Variants in MACROD2 observed in about 807,000 individuals in gnomAD.
MACROD2 encodes mono-ADP ribosylhydrolase 2, also known as ADP-ribose glycohydrolase MACROD2.
MACROD2 carries 36 observed loss-of-function variants against 70.4 expected under a neutral mutation model. The ratio of observed to expected loss-of-function variants is 0.51; its 90% confidence interval spans 0.39 to 0.68. The LOEUF is 0.68. MACROD2 is among the 30% of genes least tolerant of loss of function. The pLI is 0.00. For synonymous variants in MACROD2, 172 were observed against 178.8 expected, an observed-to-expected ratio of 0.96 and a Z score of 0.30; for missense variants, 496 against 538.4, an observed-to-expected ratio of 0.92 and a Z score of 0.78.
At chr20:15,068,475 TG>T (rs1266017641) in intron 5 of MACROD2, among the ~76,000 whole-genome samples, 1 of 151,920 alleles carries the variant, frequency 6.6e-6, no homozygotes, top group Non-Finnish European at 1.5e-5. Flanking sequence ...GTGTTGGAGG[TG>T]GGGGTCTAGT....
chr20:14,447,432 T>G (rs1229705992), intron 3 of MACROD2, among the ~76,000 whole-genome samples: 4 of 152,120 alleles, frequency 2.6e-5, no homozygotes, highest in Non-Finnish European at 5.9e-5. Flanking sequence ...CTTTGGAAAA[T>G]AGCATCTGCT....
intron 5 of MACROD2, among the ~76,000 whole-genome samples, chr20:14,898,379 G>A (rs2073855223): frequency 6.6e-6 from 1 of 152,086 alleles, no homozygotes; most frequent in Non-Finnish European, 1.5e-5. Context: ...TACCATATAT[G>A]TTTCTCTTTA....
chr20:15,903,392 A>G (rs1783357338), intron 10 of MACROD2, among the ~76,000 whole-genome samples: 1 of 152,194 alleles, frequency 6.6e-6, no homozygotes, highest in Non-Finnish European at 1.5e-5. Flanking sequence ...TTACCCTAAT[A>G]AAAAGCAAGA....
At chr20:14,934,680 A>G (rs564642077) in intron 5 of MACROD2, among the ~76,000 whole-genome samples, 1 of 152,148 alleles carries the variant, frequency 6.6e-6, no homozygotes, top group East Asian at 1.9e-4. Flanking sequence ...CCAGCTACTC[A>G]GGAGGCTGAG....
At chr20:15,783,746 C>A (rs1287816281) in intron 8 of MACROD2, among the ~76,000 whole-genome samples, 1 of 152,160 alleles carries the variant, frequency 6.6e-6, no homozygotes, top group Non-Finnish European at 1.5e-5. Context: ...CTTTTGCAAC[C>A]AGTGTGTCTC....
intron 2 of MACROD2, among the ~76,000 whole-genome samples, chr20:14,026,660 T>A (rs1419123926): frequency 1.3e-5 from 2 of 152,192 alleles, no homozygotes; most frequent in African/African-American, 4.8e-5. Context: ...TTAAGAACGT[T>A]GAATATTGGC....
chr20:15,058,763 A>G (rs2075507972), intron 5 of MACROD2, among the ~76,000 whole-genome samples: 1 of 152,208 alleles, frequency 6.6e-6, no homozygotes, highest in African/African-American at 2.4e-5. Context: ...CTTTTTAAAA[A>G]TGTAACCATC....
chr20:15,917,497 A>G (rs907801524), intron 10 of MACROD2, among the ~76,000 whole-genome samples: 28 of 152,208 alleles, frequency 1.8e-4, no homozygotes, highest in African/African-American at 5.1e-4. Flanking sequence ...AAATGCTGGC[A>G]CCACACAGGC....
intron 4 of MACROD2, among the ~76,000 whole-genome samples, chr20:14,615,830 G>A (rs554402273): frequency 6.6e-6 from 1 of 152,222 alleles, no homozygotes; most frequent in East Asian, 1.9e-4. Context: ...CATGAGAAAG[G>A]CAGGAAAGCA....
At chr20:16,009,628 G>A (rs1451226723) in intron 15 of MACROD2, among the ~76,000 whole-genome samples, 1 of 152,092 alleles carries the variant, frequency 6.6e-6, no homozygotes, top group South Asian at 2.1e-4. Context: ...ATGGTGGCGG[G>A]CACCTGTAAT....
intron 8 of MACROD2, among the ~76,000 whole-genome samples, chr20:15,587,549 G>A (rs182782409): frequency 1.2e-3 from 189 of 152,156 alleles, no homozygotes; most frequent in African/African-American, 4.3e-3. Context: ...AGTCCCTTCC[G>A]CCTATGAGCC....
At chr20:15,613,603 C>A (rs2146713985) in intron 8 of MACROD2, among the ~76,000 whole-genome samples, 1 of 152,324 alleles carries the variant, frequency 6.6e-6, no homozygotes, top group South Asian at 2.1e-4. Flanking sequence ...TAAAGCTTTA[C>A]AATAACCATG....
chr20:15,791,343 G>A (rs1288726308), intron 8 of MACROD2, among the ~76,000 whole-genome samples: 3 of 151,746 alleles, frequency 2.0e-5, no homozygotes, highest in African/African-American at 7.3e-5. Flanking sequence ...AGAAAGCTTA[G>A]CTGATATACA....
At chr20:14,039,805 GTT>G (rs11482552) in intron 2 of MACROD2, among the ~76,000 whole-genome samples, 22 of 145,074 alleles carry the variant, frequency 1.5e-4, no homozygotes, top group Non-Finnish European at 2.4e-4. Context: ...TTTGCCATCT[GTT>G]TTTTTTTTTT....
At chr20:15,334,484 AT>A (rs2078026979) in intron 6 of MACROD2, among the ~76,000 whole-genome samples, 1 of 151,650 alleles carries the variant, frequency 6.6e-6, no homozygotes, top group Non-Finnish European at 1.5e-5. Flanking sequence ...TAGGAAAGTC[AT>A]TTATCTTCTT....
chr20:14,444,232 C>T (rs1329665303), intron 3 of MACROD2, among the ~76,000 whole-genome samples: 1 of 152,036 alleles, frequency 6.6e-6, no homozygotes, highest in Non-Finnish European at 1.5e-5. Context: ...GATACTTTGT[C>T]AGGGAGAATT....
At chr20:15,073,509 ACG>A (rs1555779745) in intron 5 of MACROD2, among the ~76,000 whole-genome samples, 7 of 144,666 alleles carry the variant, frequency 4.8e-5, no homozygotes, top group Admixed American at 4.1e-4. Flanking sequence ...ACACACACAC[ACG>A]TACCACATTT....
chr20:15,274,259 A>G (rs188764349), intron 6 of MACROD2, among the ~76,000 whole-genome samples: 4 of 152,332 alleles, frequency 2.6e-5, no homozygotes, highest in Admixed American at 1.3e-4. Context: ...TACAAGTTCC[A>G]TTCATTTGAT....
intron 5 of MACROD2, among the ~76,000 whole-genome samples, chr20:14,746,786 AC>A (rs2071805386): frequency 6.6e-6 from 1 of 152,306 alleles, no homozygotes; most frequent in Middle Eastern, 3.4e-3. Flanking sequence ...GGTCTAATTT[AC>A]TAGCTAATGG....
Sources: gnomAD v4.1 joint callset for allele counts (sites outside exome capture counted in the v4.1 genomes callset) on GRCh38, gnomAD v4.1.1 for gene constraint, MANE v1.5 for transcripts, NCBI Gene and HGNC (gene_info 2026-07-23, HGNC 2026-07-21) for gene names.